METTL15: variants seen among roughly 807,000 people sequenced by gnomAD.
METTL15 encodes 12S rRNA N(4)-cytidine methyltransferase METTL15.
Under a neutral mutation model 38.3 loss-of-function variants are expected in METTL15, and 34 were observed. That is an observed-to-expected ratio of 0.89 (90% CI 0.68 to 1.18). The LOEUF (loss-of-function observed/expected upper bound fraction) is 1.18. METTL15 is among the 50% of genes most tolerant of loss of function. The pLI is 0.00. For missense variants in METTL15, 438 were observed against 498.4 expected (o/e 0.88, Z 1.15); for synonymous variants, 162 against 170.9 (o/e 0.95, Z 0.41).
intron 6 of METTL15, among the ~76,000 whole-genome samples, chr11:28,434,985 C>T (rs972995365): frequency 2.6e-5 from 4 of 152,202 alleles, no homozygotes; most frequent in Non-Finnish European, 5.9e-5. Context: ...TCTCACTCAT[C>T]CAAACAAGTC....
At chr11:28,521,853 T>G (rs1013882092) in intron 6 of METTL15, among the ~76,000 whole-genome samples, 1 of 152,132 alleles carries the variant, frequency 6.6e-6, no homozygotes, top group East Asian at 1.9e-4. Flanking sequence ...CTTTGCCTCT[T>G]CAGTCCTGGA....
chr11:28,373,954 T>G (rs1032907851), intron 5 of METTL15, among the ~76,000 whole-genome samples: 1 of 152,160 alleles, frequency 6.6e-6, no homozygotes, highest in African/African-American at 2.4e-5. Flanking sequence ...TTTGTCAGGT[T>G]TGTCAAAGAT....
intron 3 of METTL15, among the ~76,000 whole-genome samples, chr11:28,185,937 T>A (rs910605109): frequency 1.3e-5 from 2 of 150,028 alleles, no homozygotes; most frequent in Non-Finnish European, 3.0e-5. Flanking sequence ...CATATATTTT[T>A]AAAATATATG....
At chr11:28,365,119 G>T (rs1160464399) in intron 5 of METTL15, among the ~76,000 whole-genome samples, 1 of 152,106 alleles carries the variant, frequency 6.6e-6, no homozygotes, top group Non-Finnish European at 1.5e-5. Flanking sequence ...TTTTCATCAG[G>T]GATATTGGCC....
At chr11:28,307,123 A>G (rs1857109793) in intron 6 of METTL15, among the ~76,000 whole-genome samples, 1 of 151,898 alleles carries the variant, frequency 6.6e-6, no homozygotes, top group Non-Finnish European at 1.5e-5. Context: ...ATCACTTAGA[A>G]TCACTTCTAC....
At chr11:28,466,387 A>G (rs1205974408) in intron 6 of METTL15, among the ~76,000 whole-genome samples, 1 of 152,228 alleles carries the variant, frequency 6.6e-6, no homozygotes, top group Admixed American at 6.5e-5. Context: ...TGAAAACAGG[A>G]TAGCTTCCTC....
intron 4 of METTL15, among the ~76,000 whole-genome samples, chr11:28,243,153 G>A (rs1034235314): frequency 3.4e-4 from 52 of 151,896 alleles, no homozygotes; most frequent in African/African-American, 1.2e-3. Context: ...ACTTTTAGAT[G>A]ATTTTAAAGA....
intron 4 of METTL15, among the ~76,000 whole-genome samples, chr11:28,238,037 C>T (rs982588542): frequency 9.2e-5 from 14 of 152,330 alleles, no homozygotes; most frequent in African/African-American, 3.4e-4. Context: ...CCCAGTTAGG[C>T]TGCTCGGGGG....
chr11:28,241,377 C>CA (rs1453753426), intron 4 of METTL15, among the ~76,000 whole-genome samples: 1 of 151,308 alleles, frequency 6.6e-6, no homozygotes, highest in African/African-American at 2.4e-5. Flanking sequence ...ACTAAAAATA[C>CA]AAAAAAATTA....
chr11:28,447,899 A>G (rs957891714), intron 6 of METTL15, among the ~76,000 whole-genome samples: 4 of 152,136 alleles, frequency 2.6e-5, no homozygotes, highest in Admixed American at 2.6e-4. Flanking sequence ...CGATTCAGAG[A>G]AAAAGAGGGC....
intron 3 of METTL15, among the ~76,000 whole-genome samples, chr11:28,136,309 A>G (rs2133646023): frequency 6.6e-6 from 1 of 152,248 alleles, no homozygotes; most frequent in Non-Finnish European, 1.5e-5. Context: ...TTCTCATAGT[A>G]GTAAGTCTCA....
At chr11:28,406,262 G>A (rs969918271) in intron 5 of METTL15, among the ~76,000 whole-genome samples, 1 of 152,048 alleles carries the variant, frequency 6.6e-6, no homozygotes, top group African/African-American at 2.4e-5. Context: ...TTGAGCAGTG[G>A]TTTGTAGTTC....
intron 4 of METTL15, among the ~76,000 whole-genome samples, chr11:28,273,712 G>T (rs997802070): frequency 1.3e-5 from 2 of 152,026 alleles, no homozygotes; most frequent in African/African-American, 4.8e-5. Context: ...CTGTATATAT[G>T]TATTAATGTT....
intron 6 of METTL15, among the ~76,000 whole-genome samples, chr11:28,441,059 CTTT>C (rs35401554): frequency 2.1e-5 from 3 of 141,830 alleles, no homozygotes; most frequent in East Asian, 2.0e-4. Context: ...TATGACACTA[CTTT>C]TTTTTTTTTT....
intron 6 of METTL15, among the ~76,000 whole-genome samples, chr11:28,525,611 G>A (rs1275704839): frequency 6.6e-6 from 1 of 152,216 alleles, no homozygotes; most frequent in Non-Finnish European, 1.5e-5. Flanking sequence ...GACACAGAGT[G>A]CTGATTGGTG....
In METTL15 at chr11:28,203,501, A is replaced by C. The variant is rs376901601; in HGVS notation, c.271-7561A>C. On this transcript the variant is annotated intron_variant, in intron 3 of 6. Transcript: ENST00000407364. ...TTAAGAAAGAGAAAACTTTTTGAAGAAACAATTGTTTTTATTTCAATGTGA... is the reference window on the plus strand; with the variant it reads ...TTAAGAAAGAGAAAACTTTTTGAAGCAACAATTGTTTTTATTTCAATGTGA... Among the ~76,000 whole-genome samples, 15 of 152,224 alleles carry C rather than the reference A, an allele frequency of 9.9e-5. No homozygotes were observed. In the East Asian group the frequency reaches 1.5e-3, roughly 16 times the overall value.
intron 3 of METTL15, chr11:28,125,881 A>G (rs1243156660): frequency 1.3e-5 from 2 of 152,064 alleles, no homozygotes; most frequent in African/African-American, 4.8e-5. Flanking sequence ...GTAATTTTGA[A>G]TATTTTTTGT....
chr11:28,375,868 C>A (rs1029828725), intron 5 of METTL15, among the ~76,000 whole-genome samples: 129 of 151,476 alleles, frequency 8.5e-4, no homozygotes, highest in African/African-American at 3.0e-3. Flanking sequence ...TATGTTGTGT[C>A]TTTGTTCTCG....
chr11:28,325,863 GATAA>G (rs767247334), intron 6 of METTL15, among the ~76,000 whole-genome samples: 14 of 152,208 alleles, frequency 9.2e-5, no homozygotes, highest in Non-Finnish European at 1.9e-4. Flanking sequence ...AAATGAGTGA[GATAA>G]ATAAGTAAAC....
Sources: gnomAD v4.1 joint callset for allele counts (sites outside exome capture counted in the v4.1 genomes callset) on GRCh38, gnomAD v4.1.1 for gene constraint, MANE v1.5 for transcripts, NCBI Gene and HGNC (gene_info 2026-07-23, HGNC 2026-07-21) for gene names.